The following RIC3 variants were observed in gnomAD, a reference collection of about 807,000 sequenced individuals.
RIC3 encodes protein RIC-3.
Under a neutral mutation model 27.3 loss-of-function variants are expected in RIC3, and 28 were observed. That is an observed-to-expected ratio of 1.02 (90% CI 0.76 to 1.41). The LOEUF (loss-of-function observed/expected upper bound fraction) is 1.41, where lower values mean the gene tolerates loss of function less well. Ranked by LOEUF, RIC3 falls within the 40% of genes most tolerant of loss-of-function variation. The pLI is 0.00. For synonymous variants in RIC3, 184 were observed against 160.4 expected (o/e 1.15, Z -1.11); for missense variants, 501 against 444.7 (o/e 1.13, Z -1.14).
chr11:8,128,749 A>G (rs1166140753), intron 4 of RIC3, among the ~76,000 whole-genome samples: 1 of 133,666 alleles, frequency 7.5e-6, no homozygotes. Flanking sequence ...AGTTGCAAAA[A>G]CTTTTTTTTT....
chr11:8,130,780 G>C (rs974329024), intron 4 of RIC3, among the ~76,000 whole-genome samples: 2 of 151,728 alleles, frequency 1.3e-5, no homozygotes, highest in Admixed American at 1.3e-4. Flanking sequence ...GGGGAGAGAG[G>C]ACCCAGGCAA....
intron 1 of RIC3, among the ~76,000 whole-genome samples, chr11:8,153,601 C>T (rs549524134): frequency 2.0e-5 from 3 of 152,160 alleles, no homozygotes; most frequent in African/African-American, 4.8e-5. Context: ...TCTTTAATCC[C>T]CTTCCCCAAT....
At chr11:8,161,208 TATTTA>T in intron 1 of RIC3, among the ~76,000 whole-genome samples, 1 of 152,290 alleles carries the variant, frequency 6.6e-6, no homozygotes, top group South Asian at 2.1e-4. Context: ...CCTGTAGAGA[TATTTA>T]ATTTTTTATC....
chr11:8,137,411 T>A lies in RIC3; in HGVS notation c.488A>T (p.Lys163Ile), dbSNP rs1337259546. 1 of 1,614,032 alleles carries A rather than the reference T, an allele frequency of 6.2e-7. No individual in the cohort carries two copies. Among genetic ancestry groups the A allele is most frequent in the Non-Finnish European group, 8.5e-7 (1 of 1,180,050 alleles). ...KLKETEAAMEKLINRVGPNGE... is the reference protein window; with the variant it reads ...KLKETEAAMEILINRVGPNGE... Reference sequence around the variant, plus strand: ...ATTAGGTCCCACTCTGTTGATTAATTTTTCCATGGCTGCTTCTGTCTCCTT... The same window carrying A: ...ATTAGGTCCCACTCTGTTGATTAATATTTCCATGGCTGCTTCTGTCTCCTT... The change falls in exon 4 of 6, where the codon AAA (lysine) becomes ATA (isoleucine). Residue 163 changes from lysine (K) to isoleucine (I), a missense_variant. By Grantham distance (102) the Lys-to-Ile change is moderately radical. Transcript: ENST00000309737.
At chr11:8,139,347 C>G (rs1180822020) in intron 2 of RIC3, 1 of 153,526 alleles carries the variant, frequency 6.5e-6, no homozygotes, top group Non-Finnish European at 1.4e-5. Context: ...CTGCAAAGGC[C>G]TGCCTGGAGG....
At chr11:8,146,915 T>TGTAAA (rs1322546827) in intron 1 of RIC3, among the ~76,000 whole-genome samples, 1 of 152,168 alleles carries the variant, frequency 6.6e-6, no homozygotes, top group Non-Finnish European at 1.5e-5. Flanking sequence ...GATAGCAGAC[T>TGTAAA]TCTGAGGGAG....
intron 1 of RIC3, among the ~76,000 whole-genome samples, chr11:8,157,885 T>G (rs1310601052): frequency 6.6e-6 from 1 of 152,200 alleles, no homozygotes; most frequent in Non-Finnish European, 1.5e-5. Context: ...TTACACGCAT[T>G]CATGGGCTCT....
chr11:8,132,354 G>C (rs1248249265), intron 4 of RIC3, among the ~76,000 whole-genome samples: 1 of 152,230 alleles, frequency 6.6e-6, no homozygotes, highest in African/African-American at 2.4e-5. Context: ...CTAAAGCACA[G>C]CAAATCGTTA....
downstream of RIC3, chr11:8,105,583 C>T (rs576597277): frequency 2.0e-5 from 3 of 152,196 alleles, no homozygotes; most frequent in African/African-American, 7.2e-5. Flanking sequence ...TTGAGCAAAC[C>T]ACATAATCTC....
Position 8,138,361 on chromosome 11 carries a change from G to A in RIC3, c.352-14C>T. 1 of 1,575,534 alleles carries A rather than the reference G, an allele frequency of 6.3e-7. No individual in the cohort carries two copies. Among genetic ancestry groups the A allele is most frequent in the African/African-American group, 1.3e-5 (1 of 74,108 alleles). ...CCCCTTTGAGAGCTGAGAATTGAAGGAGGTATAGCACATCAACAGCAGCTC... is the reference window on the plus strand; with the variant it reads ...CCCCTTTGAGAGCTGAGAATTGAAGAAGGTATAGCACATCAACAGCAGCTC... On this transcript the variant is annotated splice_polypyrimidine_tract_variant and intron_variant, in intron 2 of 5. Transcript: ENST00000309737.
chr11:8,141,323 G>C (rs1428194379), intron 1 of RIC3, among the ~76,000 whole-genome samples: 3 of 151,940 alleles, frequency 2.0e-5, no homozygotes, highest in Non-Finnish European at 4.4e-5. Flanking sequence ...CAAAATAAAA[G>C]GATGGAGGAA....
At chr11:8,154,662 C>T (rs1259398281) in intron 1 of RIC3, among the ~76,000 whole-genome samples, 1 of 151,786 alleles carries the variant, frequency 6.6e-6, no homozygotes, top group Non-Finnish European at 1.5e-5. Flanking sequence ...TTATTTACCC[C>T]TTTTTCTGCT....
chr11:8,140,443 C>G (rs1948923310), intron 1 of RIC3, among the ~76,000 whole-genome samples: 1 of 152,190 alleles, frequency 6.6e-6, no homozygotes. Flanking sequence ...GACTCCCATA[C>G]AGTTAAATGT....
intron 1 of RIC3, among the ~76,000 whole-genome samples, chr11:8,160,431 T>A (rs1451226770): frequency 6.6e-6 from 1 of 152,204 alleles, no homozygotes; most frequent in Non-Finnish European, 1.5e-5. Context: ...GCAGATACAT[T>A]GAATGAAACA....
In RIC3 at chr11:8,160,430, T is replaced by C. The variant is rs111380778; in HGVS notation, c.124+8436A>G. On this transcript the variant is annotated intron_variant, in intron 1 of 5. Coordinates refer to ENST00000309737, the MANE Select transcript of RIC3 (RefSeq NM_001206671.4). ...AGCTAAGAAATGGTAAGCAGATACA[T>C]TGAATGAAACATTGAATGCTCTGAA... Among the ~76,000 whole-genome samples the C allele has an allele frequency of 2.2e-3, 334 of 152,350 alleles. 2 individuals carry two copies. The highest frequency in any genetic ancestry group is 7.4e-3 in the African/African-American group (308 of 41,584).
the RIC3 span, chr11:8,097,368 G>A: frequency 6.2e-7 from 1 of 1,614,186 alleles, no homozygotes; most frequent in Non-Finnish European, 8.5e-7. Flanking sequence ...AGAAAGGGAT[G>A]GACCGGGGCA....
downstream of RIC3, chr11:8,101,847 T>TC: frequency 2.0e-6 from 1 of 507,026 alleles, no homozygotes; most frequent in South Asian, 3.3e-5. Context: ...TGAGAATAAT[T>TC]CTTTCCATGC....
At chr11:8,132,395 A>G (rs1947845529) in intron 4 of RIC3, among the ~76,000 whole-genome samples, 1 of 152,212 alleles carries the variant, frequency 6.6e-6, no homozygotes, top group Non-Finnish European at 1.5e-5. Context: ...CAGAGTCAAA[A>G]TATGTGTGTG....
chr11:8,095,585 C>T, the RIC3 span: 3 of 1,612,972 alleles, frequency 1.9e-6, no homozygotes, highest in African/African-American at 4.0e-5. Flanking sequence ...TCAGACCACG[C>T]CCAGGACGCA....
Sources: allele counts gnomAD v4.1 joint callset (sites outside exome capture counted in the v4.1 genomes callset), GRCh38; gene constraint gnomAD v4.1.1; transcripts MANE v1.5; gene names NCBI Gene and HGNC (gene_info 2026-07-23, HGNC 2026-07-21).